Variants in ITFG1 observed in about 807,000 individuals in gnomAD.
ITFG1 encodes integrin alpha FG-GAP repeat containing 1.
ITFG1 carries 34 observed loss-of-function variants against 81.8 expected under a neutral mutation model. The ratio of observed to expected loss-of-function variants is 0.42; its 90% CI spans 0.32 to 0.55. ITFG1 has a LOEUF of 0.55. Ranked by LOEUF, ITFG1 falls within the 20% of genes least tolerant of loss-of-function variation. The pLI, the probability that ITFG1 is intolerant of heterozygous loss-of-function variation, is 0.17. For missense variants in ITFG1, 672 were observed against 755.4 expected, an observed-to-expected ratio of 0.89 and a Z score of 1.29; for synonymous variants, 285 against 270.6, an observed-to-expected ratio of 1.05 and a Z score of -0.52.
intron 8 of ITFG1, among the ~76,000 whole-genome samples, chr16:47,334,749 T>G (rs949589223): frequency 4.6e-5 from 7 of 152,208 alleles, no homozygotes; most frequent in Non-Finnish European, 7.3e-5. Context: ...TAGTCTAATT[T>G]TTCAGACAGG....
intron 6 of ITFG1, among the ~76,000 whole-genome samples, chr16:47,403,352 T>G (rs1346844800): frequency 2.0e-5 from 3 of 151,988 alleles, no homozygotes; most frequent in Non-Finnish European, 4.4e-5. Flanking sequence ...TTGGCCCATA[T>G]GGGCCAATTC....
chr16:47,242,111 G>A (rs1965942478), intron 12 of ITFG1, among the ~76,000 whole-genome samples: 1 of 152,072 alleles, frequency 6.6e-6, no homozygotes, highest in South Asian at 2.1e-4. Context: ...GGGTCATGAT[G>A]CGGTATGTGA....
intron 8 of ITFG1, among the ~76,000 whole-genome samples, chr16:47,355,821 T>C (rs1968032522): frequency 6.6e-6 from 1 of 151,952 alleles, no homozygotes; most frequent in Non-Finnish European, 1.5e-5. Context: ...ATTATAGATA[T>C]ACATAATCAT....
At chr16:47,395,303 C>T (rs532475604) in intron 6 of ITFG1, among the ~76,000 whole-genome samples, 2 of 152,176 alleles carry the variant, frequency 1.3e-5, no homozygotes, top group African/African-American at 4.8e-5. Context: ...ACAATATATA[C>T]AGCTCATTAA....
At chr16:47,211,632 A>T (rs1027452156) in intron 14 of ITFG1, among the ~76,000 whole-genome samples, 1 of 152,208 alleles carries the variant, frequency 6.6e-6, no homozygotes, top group African/African-American at 2.4e-5. Context: ...ATTAAGCATA[A>T]ATTCAGCTGA....
intron 10 of ITFG1, among the ~76,000 whole-genome samples, chr16:47,283,235 A>G (rs1181963831): frequency 1.3e-5 from 2 of 152,216 alleles, no homozygotes; most frequent in East Asian, 3.9e-4. Flanking sequence ...TAAGATTTTA[A>G]TCCACCTTGA....
At chr16:47,373,407 G>A (rs576534222) in intron 7 of ITFG1, among the ~76,000 whole-genome samples, 4 of 151,986 alleles carry the variant, frequency 2.6e-5, no homozygotes, top group South Asian at 2.1e-4. Flanking sequence ...CTCAGCCTCC[G>A]AATAGCTGGG....
chr16:47,179,211 G>C (rs1241230791), intron 14 of ITFG1, among the ~76,000 whole-genome samples: 1 of 151,846 alleles, frequency 6.6e-6, no homozygotes. Context: ...ATTTGACCCA[G>C]CCATCCCATT....
At chr16:47,440,544 G>A (rs560918045) in intron 5 of ITFG1, among the ~76,000 whole-genome samples, 83 of 152,070 alleles carry the variant, frequency 5.5e-4, no homozygotes, top group Admixed American at 9.8e-4. Flanking sequence ...ACTCAAAACC[G>A]CTCAACTACA....
chr16:47,403,666 A>T (rs1968690701), intron 6 of ITFG1, among the ~76,000 whole-genome samples: 1 of 152,032 alleles, frequency 6.6e-6, no homozygotes, highest in South Asian at 2.1e-4. Flanking sequence ...CTCTTCAGAG[A>T]TGCATGTGCA....
Position 47,218,918 on chromosome 16 carries a change from T to C in ITFG1, c.1403A>G (p.Tyr468Cys). The change falls in exon 14 of 18, where the codon TAT becomes TGT. Residue 468 changes from tyrosine to cysteine, a missense_variant. By Grantham distance (194) the Tyr-to-Cys change is radical. This residue lies in a region of ITFG1 where 560 missense variants were observed against 625.7 expected (regional missense o/e 0.90). Transcript: ENST00000320640. The part of the protein sequence containing the change: ...TPFGVNQPGP[Y>C]IMYTTVDANG... ...TGCATCTACAGTTGTATACATGATA[T>C]AAGGTCCAGGTTGATTCACTCCAAA... 1.2e-6 allele frequency: 2 copies of C among 1,602,916 alleles called. No individual in the cohort carries two copies. Among genetic ancestry groups the C allele is most frequent in the Non-Finnish European group, 1.7e-6 (2 of 1,174,408 alleles).
chr16:47,244,447 G>A lies in ITFG1; in HGVS notation c.1331-6439C>T, dbSNP rs148547279. On this transcript the variant is annotated intron_variant, in intron 12 of 17. Coordinates refer to ENST00000320640, the MANE Select transcript of ITFG1 (RefSeq NM_030790.5). ...AGAATTGATTGATTGGTTGGTGTAC[G>A]GAGGGGGAAGGCAGAATCCCTACAT... is the stretch of plus-strand genomic sequence containing the variant. Among the ~76,000 whole-genome samples, 19 of 152,256 alleles carry A rather than the reference G, an allele frequency of 1.2e-4. No individual in the cohort carries two copies. In the East Asian group the frequency reaches 3.5e-3, roughly 28 times the overall value.
rs1226538158 is a variant in ITFG1 at position 47,158,527 on chromosome 16, T to C, written c.1779+346A>G. On this transcript the variant is annotated intron_variant, in intron 17 of 17. Coordinates refer to ENST00000320640, the MANE Select transcript of ITFG1 (RefSeq NM_030790.5). ...TGTCCATGGCTTTATCAGTACATAC[T>C]GAACACACGTTCATTTTTTAAAATC... Among the ~76,000 whole-genome samples, 7 of 152,246 alleles carry C rather than the reference T, an allele frequency of 4.6e-5. No homozygotes were observed. In the East Asian group the frequency reaches 1.3e-3, roughly 29 times the overall value.
chr16:47,196,424 T>C (rs1965359159), intron 14 of ITFG1: 1 of 152,080 alleles, frequency 6.6e-6, no homozygotes, highest in Non-Finnish European at 1.5e-5. Context: ...AGCCCTGGGG[T>C]GTGGTGGTAA....
intron 13 of ITFG1, among the ~76,000 whole-genome samples, chr16:47,231,037 C>T (rs563871027): frequency 1.2e-4 from 18 of 152,288 alleles, no homozygotes; most frequent in African/African-American, 3.1e-4. Flanking sequence ...CGTGAGCCAC[C>T]GCGCCCAGCC....
chr16:47,187,419 G>C (rs1378293896), intron 14 of ITFG1, among the ~76,000 whole-genome samples: 1 of 152,022 alleles, frequency 6.6e-6, no homozygotes, highest in African/African-American at 2.4e-5. Flanking sequence ...CAGAGATATA[G>C]ATCAATGGAA....
chr16:47,227,810 T>C (rs1280870035), intron 13 of ITFG1, among the ~76,000 whole-genome samples: 1 of 152,180 alleles, frequency 6.6e-6, no homozygotes. Flanking sequence ...ATGATAGAAA[T>C]TCATGATTCT....
rs1596922630 is a variant in ITFG1, at chr16:47,353,106, G to A, written c.802+12682C>T. 2.0e-5 allele frequency among the ~76,000 whole-genome samples: 3 copies of A among 152,124 alleles called. No individual in the cohort carries two copies. In the East Asian group the frequency reaches 5.8e-4, roughly 29 times the overall value. On this transcript the variant is annotated intron_variant, in intron 8 of 17. Coordinates refer to ENST00000320640, the MANE Select transcript of ITFG1 (RefSeq NM_030790.5). ...GATAGCATTAGTAGATATACCTAAT[G>A]CTAAATGATGAGTTAATGGGTGCAG...
chr16:47,211,160 T>C (rs1202811499), intron 14 of ITFG1, among the ~76,000 whole-genome samples: 4 of 152,194 alleles, frequency 2.6e-5, no homozygotes, highest in African/African-American at 9.6e-5. Flanking sequence ...CTATGAACCT[T>C]GCGTATCTCT....
Sources: gnomAD v4.1 joint callset for allele counts (sites outside exome capture counted in the v4.1 genomes callset) on GRCh38, gnomAD v4.1.1 for gene constraint, gnomAD v4.1.1 regional missense constraint, MANE v1.5 for transcripts, NCBI Gene and HGNC (gene_info 2026-07-23, HGNC 2026-07-21) for gene names.